The following DUSP22 variants were observed in gnomAD, a reference collection of about 807,000 sequenced individuals.
DUSP22 encodes the protein dual specificity phosphatase 22.
Under a neutral mutation model 24.5 loss-of-function variants are expected in DUSP22, and 24 were observed. The observed-to-expected ratio is 0.98, with a 90% CI of 0.71 to 1.38. The LOEUF is 1.38. DUSP22 is among the 40% of genes most tolerant of loss of function. The probability of loss-of-function intolerance (pLI) is 0.00; values close to 1 mark genes in which losing one functional copy is unlikely to be tolerated. For synonymous variants in DUSP22, 160 were observed against 106.4 expected, an observed-to-expected ratio of 1.50 and a Z score of -3.10; for missense variants, 330 against 269.2, an observed-to-expected ratio of 1.23 and a Z score of -1.58.
intron 1 of DUSP22, among the ~76,000 whole-genome samples, chr6:299,408 A>G (rs1276230122): frequency 6.6e-6 from 1 of 152,304 alleles, no homozygotes; most frequent in African/African-American, 2.4e-5. Context: ...AGATGGGTCA[A>G]AATTTTTGGG....
At chr6:334,222 C>T (rs1428056508) in intron 3 of DUSP22, among the ~76,000 whole-genome samples, 8 of 152,408 alleles carry the variant, frequency 5.2e-5, no homozygotes, top group East Asian at 1.9e-4. Context: ...GTCTGTGACA[C>T]GGTGGCAAGA....
At chr6:329,119 A>T (rs900795150) in intron 3 of DUSP22, among the ~76,000 whole-genome samples, 2 of 152,308 alleles carry the variant, frequency 1.3e-5, no homozygotes, top group African/African-American at 4.8e-5. Context: ...TGCAAAGAGG[A>T]GACAGCTCAT....
rs576990114 is a variant in DUSP22, at chr6:350,869, T to G, written c.*1918T>G. On this transcript the variant is annotated 3_prime_UTR_variant, in exon 7 of 7. Transcript: ENST00000419235. ...CTGGGCCTTTCTCAGAAGACTGTAATGTACCTGAAGTTTCTGAAATATTGC... is the reference window on the plus strand; with the variant it reads ...CTGGGCCTTTCTCAGAAGACTGTAAGGTACCTGAAGTTTCTGAAATATTGC... 6.2e-7 allele frequency: 1 copy of G among 1,614,258 alleles called. No individual in the cohort carries two copies. Among genetic ancestry groups the G allele is most frequent in the Non-Finnish European group, 8.5e-7 (1 of 1,180,020 alleles).
chr6:342,931 A>G (rs1392216413), intron 4 of DUSP22, among the ~76,000 whole-genome samples: 3 of 152,306 alleles, frequency 2.0e-5, no homozygotes, highest in Non-Finnish European at 4.4e-5. Flanking sequence ...TTCTCTGCCA[A>G]CCGCAGACGG....
At chr6:304,688 G>T (rs375630773) in intron 2 of DUSP22, 27 bp downstream of exon 2, 243 of 1,613,388 alleles carry the variant, frequency 1.5e-4, no homozygotes, top group Non-Finnish European at 1.9e-4. Context: ...TTATTGTTGT[G>T]ATAAAATACA....
chr6:324,641 C>T (rs1261195932), intron 3 of DUSP22, among the ~76,000 whole-genome samples: 5 of 152,306 alleles, frequency 3.3e-5, no homozygotes, highest in Admixed American at 2.6e-4. Flanking sequence ...AACTGGCCAG[C>T]CCTGGAGGGC....
At chr6:326,967 G>T (rs576863918) in intron 3 of DUSP22, among the ~76,000 whole-genome samples, 3 of 152,308 alleles carry the variant, frequency 2.0e-5, no homozygotes, top group African/African-American at 7.2e-5. Context: ...GGCTTGGCAC[G>T]CTTTGGCTGT....
chr6:311,810 T>G, intron 2 of DUSP22, 70 bp from the exon 3 acceptor site: 1 of 1,477,786 alleles, frequency 6.8e-7, no homozygotes, highest in Non-Finnish European at 9.1e-7. Context: ...TTTTTTTTTT[T>G]CTGGCTAGAC....
chr6:337,478 A>G (rs1354779284), intron 4 of DUSP22, among the ~76,000 whole-genome samples: 1 of 152,298 alleles, frequency 6.6e-6, no homozygotes, highest in Non-Finnish European at 1.5e-5. Flanking sequence ...GTTACTTGAG[A>G]GACCTGCTGA....
Position 350,392 on chromosome 6 carries a change from C to G in DUSP22, c.*1441C>G. The G allele has an allele frequency of 1.8e-6, 2 of 1,090,882 alleles. No individual in the cohort carries two copies. Among genetic ancestry groups the G allele is most frequent in the Non-Finnish European group, 2.2e-6 (2 of 895,330 alleles). 67.6% of individuals were successfully genotyped at this position (1,090,882 alleles called of 1,614,324 possible). A position where few individuals can be genotyped will look rare whatever the true frequency, so the allele number is the denominator to read the frequency against. ...GATTCCTTAAGCATGCAGAGTCACT[C>G]GAATGAAAAAACATACTCGACCTCT... On this transcript the variant is annotated 3_prime_UTR_variant, in exon 7 of 7. Transcript: ENST00000419235.
intron 1 of DUSP22, among the ~76,000 whole-genome samples, chr6:301,107 G>A (rs1459563710): frequency 1.3e-5 from 2 of 152,310 alleles, no homozygotes; most frequent in Non-Finnish European, 2.9e-5. Flanking sequence ...ATCTGGCATT[G>A]GCAGCTTCTA....
chr6:338,232 TG>T (rs1272901103), intron 4 of DUSP22, among the ~76,000 whole-genome samples: 7 of 152,306 alleles, frequency 4.6e-5, no homozygotes, highest in Admixed American at 2.6e-4. Flanking sequence ...TATTGCTTGC[TG>T]TACTAAAGTT....
At chr6:340,965 C>T (rs540435125) in intron 4 of DUSP22, among the ~76,000 whole-genome samples, 95 of 152,210 alleles carry the variant, frequency 6.2e-4, no homozygotes, top group African/African-American at 7.2e-5. Context: ...CTCTGAAGGT[C>T]GGTAGAGCCC....
At chr6:336,658 A>G (rs1489028586) in intron 4 of DUSP22, among the ~76,000 whole-genome samples, 2 of 152,312 alleles carry the variant, frequency 1.3e-5, no homozygotes, top group South Asian at 4.1e-4. Flanking sequence ...TGTGCTCCCC[A>G]GGGGCTGTGT....
chr6:308,594 G>C (rs535416977), intron 2 of DUSP22, among the ~76,000 whole-genome samples: 1 of 152,298 alleles, frequency 6.6e-6, no homozygotes. Flanking sequence ...GATATCAAGT[G>C]GTCTTCTCTA....
At chr6:334,996 A>C in intron 3 of DUSP22, 118 bp from the exon 4 acceptor site, 2 of 1,240,714 alleles carry the variant, frequency 1.6e-6, no homozygotes, top group African/African-American at 3.0e-5. Context: ...AAGATGAGTG[A>C]AAAACTTCTC....
intron 2 of DUSP22, among the ~76,000 whole-genome samples, chr6:306,168 G>A (rs1311501131): frequency 6.6e-6 from 1 of 152,304 alleles, no homozygotes; most frequent in Non-Finnish European, 1.5e-5. Flanking sequence ...GAGTTATTTA[G>A]TGAGTTATTA....
chr6:345,382 G>A (rs1017998212), intron 4 of DUSP22, among the ~76,000 whole-genome samples: 4 of 152,292 alleles, frequency 2.6e-5, no homozygotes, highest in African/African-American at 4.8e-5. Context: ...GCTAATTTTT[G>A]TATTTTTAGT....
At chr6:315,619 C>G (rs1242171905) in intron 3 of DUSP22, among the ~76,000 whole-genome samples, 1 of 152,308 alleles carries the variant, frequency 6.6e-6, no homozygotes, top group Non-Finnish European at 1.5e-5. Context: ...AGTGCCTTTC[C>G]CTGCCATGCC....
Sources: gnomAD v4.1 joint callset for allele counts (sites outside exome capture counted in the v4.1 genomes callset) on GRCh38, gnomAD v4.1.1 for gene constraint, MANE v1.5 for transcripts, NCBI Gene and HGNC (gene_info 2026-07-23, HGNC 2026-07-21) for gene names.